RASEF: variants seen among roughly 807,000 people sequenced by gnomAD.
RASEF encodes ras and EF-hand domain-containing protein.
Under a neutral mutation model 90.1 loss-of-function variants are expected in RASEF, and 68 were observed. The ratio of observed to expected loss-of-function variants is 0.75; its 90% CI spans 0.62 to 0.92. The LOEUF (loss-of-function observed/expected upper bound fraction) is 0.92, where lower values mean the gene tolerates loss of function less well. Ranked by LOEUF, RASEF falls within the 40% of genes least tolerant of loss-of-function variation. The pLI, the probability that RASEF is intolerant of heterozygous loss-of-function variation, is 0.00. For missense variants in RASEF, 949 were observed against 937.2 expected (o/e 1.01, Z -0.16); for synonymous variants, 331 against 345.2 (o/e 0.96, Z 0.46).
chr9:83,109,471 C>T, the RASEF span, among the ~76,000 whole-genome samples: 2 of 152,256 alleles, frequency 1.3e-5, no homozygotes, highest in East Asian at 3.9e-4. Context: ...CATTTATTGT[C>T]CTGAAAGAAA....
At chr9:83,020,296 A>G (rs959580213) in intron 3 of RASEF, among the ~76,000 whole-genome samples, 3 of 152,150 alleles carry the variant, frequency 2.0e-5, no homozygotes, top group Admixed American at 6.5e-5. Context: ...AAGACAAAGA[A>G]AACAGCTGGA....
chr9:82,987,351 T>C (rs567460197), intron 16 of RASEF, among the ~76,000 whole-genome samples: 1 of 152,234 alleles, frequency 6.6e-6, no homozygotes, highest in African/African-American at 2.4e-5. Context: ...AAAACCTCTA[T>C]GATAAATGAT....
the RASEF span, among the ~76,000 whole-genome samples, chr9:83,126,071 C>T: frequency 2.0e-5 from 3 of 152,158 alleles, no homozygotes; most frequent in African/African-American, 7.2e-5. Flanking sequence ...AGGCACATTA[C>T]TTAGCATTCA....
the RASEF span, among the ~76,000 whole-genome samples, chr9:83,164,254 A>C: frequency 3.3e-4 from 50 of 149,802 alleles, no homozygotes; most frequent in Non-Finnish European, 6.7e-4. Context: ...ATAAAATTTT[A>C]TTTTTCTTAT....
chr9:83,032,214 A>G (rs1316796450), intron 1 of RASEF, among the ~76,000 whole-genome samples: 2 of 152,072 alleles, frequency 1.3e-5, no homozygotes, highest in South Asian at 4.1e-4. Flanking sequence ...GTCAAAGGTT[A>G]AACAAGCAGA....
upstream of RASEF, among the ~76,000 whole-genome samples, chr9:83,065,503 A>T (rs1995423): frequency 1.3e-5 from 2 of 152,034 alleles, no homozygotes; most frequent in East Asian, 3.9e-4. Context: ...GCTTTAGCTT[A>T]TGTCATATTT....
the RASEF span, among the ~76,000 whole-genome samples, chr9:83,184,391 G>A: frequency 1.3e-5 from 2 of 152,194 alleles, no homozygotes; most frequent in Non-Finnish European, 2.9e-5. Flanking sequence ...TGAGATGGGA[G>A]GGCGGTGTTA....
the RASEF span, among the ~76,000 whole-genome samples, chr9:83,215,408 A>G: frequency 6.6e-6 from 1 of 152,108 alleles, no homozygotes; most frequent in East Asian, 1.9e-4. Context: ...GAGCTTTGTA[A>G]CACTGGGGCC....
intron 12 of RASEF, among the ~76,000 whole-genome samples, chr9:82,998,680 G>A (rs1269550703): frequency 1.3e-5 from 2 of 152,260 alleles, no homozygotes; most frequent in South Asian, 2.1e-4. Context: ...TTTAATTTAT[G>A]AGCCAAGGGA....
In RASEF at chr9:83,062,430, C is replaced by A. The variant is rs765904745; in HGVS notation, c.431+7G>T. Reference sequence around the variant, plus strand: ...AATAACCTCCCGCCCCCAGCTCACACTCGCACCTGGGAATGAACTTGGCTT... The same window carrying A: ...AATAACCTCCCGCCCCCAGCTCACAATCGCACCTGGGAATGAACTTGGCTT... On this transcript the variant is annotated splice_region_variant and intron_variant, in intron 1 of 16. Transcript: ENST00000376447. 1 of 1,612,666 alleles carries A rather than the reference C, an allele frequency of 6.2e-7. No individual in the cohort carries two copies.
At chr9:83,148,224 A>G in the RASEF span, among the ~76,000 whole-genome samples, 1 of 152,132 alleles carries the variant, frequency 6.6e-6, no homozygotes. Context: ...TTACCTGCAT[A>G]AATGTCTAAT....
chr9:83,216,733 A>G, the RASEF span, among the ~76,000 whole-genome samples: 1 of 152,174 alleles, frequency 6.6e-6, no homozygotes, highest in Non-Finnish European at 1.5e-5. Flanking sequence ...GGCCTGTAAA[A>G]TCACAAGCAA....
the RASEF span, among the ~76,000 whole-genome samples, chr9:83,195,136 C>T: frequency 6.6e-6 from 1 of 152,216 alleles, no homozygotes; most frequent in Non-Finnish European, 1.5e-5. Flanking sequence ...TTGAGATCGT[C>T]ATATGTCACA....
Position 83,004,517 on chromosome 9 carries a change from G to A in RASEF, c.1183C>T (p.Gln395Ter). The A allele has an allele frequency of 2.5e-6, 4 of 1,600,016 alleles. No homozygotes were observed. Among genetic ancestry groups the A allele is most frequent in the Middle Eastern group, 1.7e-4 (1 of 6,032 alleles). ...ACATACCTGTCATAGCCTAGAGGTT[G>A]AGGGGAATGACCAATGAATTTGGGA... ...SSPKFIGHSP[Q>*]PLGYDRSSRS... The change falls in exon 9 of 17, where the codon CAA (glutamine) becomes TAA (stop). Residue 395 changes from glutamine (Q) to a stop codon, truncating the protein, a stop_gained. Transcript: ENST00000376447. LOFTEE classifies it high-confidence loss of function.
chr9:83,162,743 C>A, the RASEF span, among the ~76,000 whole-genome samples: 1 of 152,186 alleles, frequency 6.6e-6, no homozygotes, highest in East Asian at 1.9e-4. Flanking sequence ...CCAGTAGACA[C>A]TCATGAGCAG....
At chr9:83,145,300 T>C in the RASEF span, among the ~76,000 whole-genome samples, 2 of 152,146 alleles carry the variant, frequency 1.3e-5, no homozygotes, top group African/African-American at 4.8e-5. Flanking sequence ...AATTTCCAAG[T>C]CAGATTTGAG....
the RASEF span, among the ~76,000 whole-genome samples, chr9:83,110,563 C>T: frequency 6.6e-6 from 1 of 152,068 alleles, no homozygotes; most frequent in East Asian, 1.9e-4. Context: ...ATTTGAAGGG[C>T]ACCACAGAAG....
intron 1 of RASEF, among the ~76,000 whole-genome samples, chr9:83,032,061 T>G (rs1427968552): frequency 6.6e-6 from 1 of 152,192 alleles, no homozygotes; most frequent in Non-Finnish European, 1.5e-5. Flanking sequence ...AAGATTTATA[T>G]TCTGTGCCTC....
At chr9:83,079,966 A>G in the RASEF span, among the ~76,000 whole-genome samples, 2 of 152,240 alleles carry the variant, frequency 1.3e-5, no homozygotes, top group Admixed American at 6.5e-5. Context: ...TTATATGTCT[A>G]AACAACAAAT....
Sources: allele counts gnomAD v4.1 joint callset (sites outside exome capture counted in the v4.1 genomes callset), GRCh38; gene constraint gnomAD v4.1.1; transcripts MANE v1.5; gene names NCBI Gene and HGNC (gene_info 2026-07-23, HGNC 2026-07-21).